CAST: variants seen among roughly 807,000 people sequenced by gnomAD.
CAST encodes MIR583 host.
CAST carries 76 observed loss-of-function variants against 119.6 expected under a neutral mutation model. The observed-to-expected ratio is 0.64, with a 90% CI of 0.53 to 0.77. The LOEUF (loss-of-function observed/expected upper bound fraction) is 0.77. Ranked by LOEUF, CAST falls within the 30% of genes least tolerant of loss-of-function variation. The pLI, the probability that CAST is intolerant of heterozygous loss-of-function variation, is 0.00. For synonymous variants in CAST, 319 were observed against 331.6 expected, an observed-to-expected ratio of 0.96 and a Z score of 0.41; for missense variants, 953 against 946.5, an observed-to-expected ratio of 1.01 and a Z score of -0.09.
At chr5:96,410,774 G>A in the CAST span, 3 of 1,611,268 alleles carry the variant, frequency 1.9e-6, no homozygotes, top group East Asian at 2.2e-5. Context: ...AGCAACATAC[G>A]ATTCTCTGGT....
the CAST span, among the ~76,000 whole-genome samples, chr5:95,966,052 T>C: frequency 6.6e-6 from 1 of 152,162 alleles, no homozygotes; most frequent in Admixed American, 6.5e-5. Flanking sequence ...CTCTCTAATC[T>C]AGGTCCATCT....
the CAST span, among the ~76,000 whole-genome samples, chr5:96,509,732 T>C: frequency 6.6e-6 from 1 of 152,246 alleles, no homozygotes; most frequent in African/African-American, 2.4e-5. Context: ...ATGAATTCAA[T>C]TTCTAAAACG....
chr5:96,352,711 C>T, the CAST span, among the ~76,000 whole-genome samples: 2 of 152,106 alleles, frequency 1.3e-5, no homozygotes, highest in East Asian at 1.9e-4. Flanking sequence ...CTGTCCCCAC[C>T]AAGATCTCAT....
At chr5:95,974,141 A>C in the CAST span, among the ~76,000 whole-genome samples, 1 of 152,154 alleles carries the variant, frequency 6.6e-6, no homozygotes, top group Non-Finnish European at 1.5e-5. Flanking sequence ...CATCACTCTG[A>C]CCAAGCTGCC....
chr5:96,161,504 T>G, the CAST span, among the ~76,000 whole-genome samples: 1 of 152,362 alleles, frequency 6.6e-6, no homozygotes, highest in South Asian at 2.1e-4. Context: ...TCTGCTCTTA[T>G]GCCAGTACCA....
the CAST span, among the ~76,000 whole-genome samples, chr5:96,298,513 G>C: frequency 2.6e-5 from 4 of 152,282 alleles, no homozygotes; most frequent in African/African-American, 9.6e-5. Flanking sequence ...GTGTATTGCT[G>C]TGAAGTCCAA....
At chr5:96,389,549 G>A in the CAST span, among the ~76,000 whole-genome samples, 1 of 152,188 alleles carries the variant, frequency 6.6e-6, no homozygotes, top group Non-Finnish European at 1.5e-5. Context: ...TTCCCAAGGG[G>A]AGAAAGGTCA....
At chr5:96,409,209 G>C in the CAST span, among the ~76,000 whole-genome samples, 67 of 152,300 alleles carry the variant, frequency 4.4e-4, no homozygotes, top group African/African-American at 1.6e-3. Flanking sequence ...GTTGGGCCAA[G>C]GGATTACTAA....
rs1772986440 is a variant in CAST at position 96,772,934 on chromosome 5, CAAAAG to C, written c.*324_*328del. 6.5e-6 allele frequency: 1 copy of C among 153,756 alleles called. No individual in the cohort carries two copies. The highest frequency in any genetic ancestry group is 2.1e-4 in the South Asian group (1 of 4,826). The allele number at this position is 153,756 out of a possible 1,614,324, so 9.5% of individuals were successfully genotyped here. A position where few individuals can be genotyped will look rare whatever the true frequency, so the allele number is the denominator to read the frequency against. Reference sequence around the variant, plus strand: ...GTTTCTTAAAGCAACACCAAAAAAACAAAAGAAAAGCTAAGTGAATTTTTGCACAT... The same window carrying C: ...GTTTCTTAAAGCAACACCAAAAAAACAAAAGCTAAGTGAATTTTTGCACAT... On this transcript the variant is annotated 3_prime_UTR_variant, in exon 32 of 32. Coordinates refer to ENST00000675179, the MANE Select transcript of CAST (RefSeq NM_001750.7).
At chr5:96,294,675 T>C in the CAST span, among the ~76,000 whole-genome samples, 1 of 152,254 alleles carries the variant, frequency 6.6e-6, no homozygotes, top group African/African-American at 2.4e-5. Context: ...GATATGTTTA[T>C]ATACATTTTC....
intron 1 of CAST, among the ~76,000 whole-genome samples, chr5:96,664,477 G>C (rs1483480311): frequency 1.3e-5 from 2 of 151,942 alleles, no homozygotes; most frequent in African/African-American, 4.8e-5. Context: ...GCCCAGGCTA[G>C]TCTAAAACTC....
the CAST span, among the ~76,000 whole-genome samples, chr5:96,488,917 T>A: frequency 6.6e-5 from 10 of 152,184 alleles, no homozygotes; most frequent in Non-Finnish European, 1.3e-4. Flanking sequence ...TAAATGAAAA[T>A]GGCACAAACC....
At chr5:96,080,986 A>G in the CAST span, among the ~76,000 whole-genome samples, 1 of 152,210 alleles carries the variant, frequency 6.6e-6, no homozygotes, top group Non-Finnish European at 1.5e-5. Flanking sequence ...CACAAAGAAG[A>G]GATGGCACTT....
chr5:95,961,615 T>C, the CAST span: 1 of 1,606,492 alleles, frequency 6.2e-7, no homozygotes, highest in Non-Finnish European at 8.5e-7. Context: ...GATCGCCGTC[T>C]CGGTGAGCTT....
At chr5:96,676,295 G>A (rs1750702313) in intron 2 of CAST, among the ~76,000 whole-genome samples, 1 of 152,128 alleles carries the variant, frequency 6.6e-6, no homozygotes, top group African/African-American at 2.4e-5. Context: ...AGTAGAAATT[G>A]AGTCATTTCT....
At chr5:96,362,015 G>A in the CAST span, among the ~76,000 whole-genome samples, 1 of 151,892 alleles carries the variant, frequency 6.6e-6, no homozygotes, top group Admixed American at 6.6e-5. Context: ...CCCGGTGTGT[G>A]ATGTTCCCCT....
the CAST span, among the ~76,000 whole-genome samples, chr5:96,221,970 CTGA>C: frequency 6.6e-6 from 1 of 152,102 alleles, no homozygotes; most frequent in African/African-American, 2.4e-5. Context: ...TTACAGCCAA[CTGA>C]TTTTCAACAA....
At chr5:96,287,240 C>T in the CAST span, among the ~76,000 whole-genome samples, 1 of 152,010 alleles carries the variant, frequency 6.6e-6, no homozygotes, top group African/African-American at 2.4e-5. Flanking sequence ...CACATTCTTC[C>T]CCCCTCCCCT....
chr5:96,249,565 C>T, the CAST span, among the ~76,000 whole-genome samples: 1 of 151,992 alleles, frequency 6.6e-6, no homozygotes, highest in Non-Finnish European at 1.5e-5. Flanking sequence ...GCAAACAAGC[C>T]CATCATTTCT....
Sources: gnomAD v4.1 joint callset for allele counts (sites outside exome capture counted in the v4.1 genomes callset) on GRCh38, gnomAD v4.1.1 for gene constraint, MANE v1.5 for transcripts, NCBI Gene and HGNC (gene_info 2026-07-23, HGNC 2026-07-21) for gene names.